The following SLC26A7 variants were observed in gnomAD, a reference collection of about 807,000 sequenced individuals.
SLC26A7 encodes solute carrier family 26 member 7, also known as anion exchange transporter.
Under a neutral mutation model 82.5 loss-of-function variants are expected in SLC26A7, and 59 were observed. That is an observed-to-expected ratio of 0.72 (90% CI 0.58 to 0.89). SLC26A7 has a LOEUF of 0.89. SLC26A7 is among the 40% of genes least tolerant of loss of function. The pLI, the probability that SLC26A7 is intolerant of heterozygous loss-of-function variation, is 0.00. For missense variants in SLC26A7, 820 were observed against 793.0 expected, an observed-to-expected ratio of 1.03 and a Z score of -0.41; for synonymous variants, 271 against 274.3, an observed-to-expected ratio of 0.99 and a Z score of 0.12.
intron 14 of SLC26A7, among the ~76,000 whole-genome samples, chr8:91,369,356 AG>A (rs1814288601): frequency 8.9e-6 from 1 of 112,026 alleles, no homozygotes; most frequent in Non-Finnish European, 1.8e-5. Flanking sequence ...GATTAACTGT[AG>A]GATACAGAGC....
chr8:91,386,030 T>A (rs1814789754), intron 15 of SLC26A7, among the ~76,000 whole-genome samples: 1 of 152,294 alleles, frequency 6.6e-6, no homozygotes, highest in Non-Finnish European at 1.5e-5. Flanking sequence ...CCTGAAGCAC[T>A]GAATTGATGG....
At position 91,277,862 on chromosome 8, in the gene SLC26A7, C is replaced by T. The variant is rs189894491; in HGVS notation, c.194-11274C>T. ...AAACAATGCTATCTTAGGCTTATTCCCCCCCAAATTAGTGACTGAGTCAGG... is the reference window on the plus strand; with the variant it reads ...AAACAATGCTATCTTAGGCTTATTCTCCCCCAAATTAGTGACTGAGTCAGG... On this transcript the variant is annotated intron_variant, in intron 2 of 18. Transcript: ENST00000276609. Among the ~76,000 whole-genome samples the T allele has an allele frequency of 3.3e-5, 5 of 151,974 alleles. No individual in the cohort carries two copies. The East Asian group carries it at 9.6e-4, about 29-fold the overall frequency.
chr8:91,334,569 C>A, intron 6 of SLC26A7, 122 bp downstream of exon 6: 1 of 824,562 alleles, frequency 1.2e-6, no homozygotes, highest in Non-Finnish European at 1.8e-6. Flanking sequence ...CTCATTAAAG[C>A]AGGGCTAATT....
intron 4 of SLC26A7, among the ~76,000 whole-genome samples, chr8:91,303,909 A>G (rs1812233430): frequency 6.6e-6 from 1 of 152,214 alleles, no homozygotes. Flanking sequence ...ATAATGTTTC[A>G]CTGTTTTACA....
At chr8:91,238,111 T>C (rs953363996) in intron 2 of SLC26A7, among the ~76,000 whole-genome samples, 4 of 152,214 alleles carry the variant, frequency 2.6e-5, no homozygotes, top group African/African-American at 9.6e-5. Context: ...TATTCTTGAA[T>C]CTTTCCTTTT....
chr8:91,219,107 A>G lies in SLC26A7; in HGVS notation c.-34+102A>G, dbSNP rs75568379. 1,064 of 470,406 alleles carry G rather than the reference A, an allele frequency of 2.3e-3. 8 individuals carry two copies. Among genetic ancestry groups the G allele is most frequent in the African/African-American group, 0.018 (884 of 49,626 alleles). 29.1% of individuals were successfully genotyped at this position (470,406 alleles called of 1,614,324 possible). A position where few individuals can be genotyped will look rare whatever the true frequency, so the allele number is the denominator to read the frequency against. On this transcript the variant is annotated intron_variant, in intron 2 of 5. Transcript: ENST00000522862. ...CCATGCCTGTTCTCTTTGTCAACAC[A>G]TTAAATAAAGGAAGAAAAATAATTC...
intron 2 of SLC26A7, among the ~76,000 whole-genome samples, chr8:91,288,438 G>A (rs1333932907): frequency 1.3e-5 from 2 of 152,124 alleles, no homozygotes; most frequent in African/African-American, 2.4e-5. Context: ...CCATGTGCAT[G>A]TATCATACCA....
At chr8:91,273,880 T>C (rs1399930819) in intron 2 of SLC26A7, among the ~76,000 whole-genome samples, 2 of 152,244 alleles carry the variant, frequency 1.3e-5, no homozygotes, top group Non-Finnish European at 2.9e-5. Flanking sequence ...GATGAAACTT[T>C]GTGTTAGTTG....
At chr8:91,278,812 CTA>C (rs985663625) in intron 2 of SLC26A7, among the ~76,000 whole-genome samples, 1 of 151,914 alleles carries the variant, frequency 6.6e-6, no homozygotes, top group African/African-American at 2.4e-5. Flanking sequence ...TTGTTATTAA[CTA>C]TAGTCATCAT....
intron 2 of SLC26A7, among the ~76,000 whole-genome samples, chr8:91,269,456 C>CTCCTGA (rs1315549280): frequency 6.6e-6 from 1 of 152,088 alleles, no homozygotes; most frequent in Admixed American, 6.6e-5. Context: ...ATTCTACTGT[C>CTCCTGA]TCCTGCCTTG....
chr8:91,237,241 G>T (rs917322140), intron 2 of SLC26A7, among the ~76,000 whole-genome samples: 1 of 152,188 alleles, frequency 6.6e-6, no homozygotes, highest in Non-Finnish European at 1.5e-5. Context: ...ATGCAAAACA[G>T]TGAATTTCAG....
intron 7 of SLC26A7, among the ~76,000 whole-genome samples, chr8:91,338,670 G>C (rs1586427908): frequency 6.6e-6 from 1 of 152,082 alleles, no homozygotes; most frequent in African/African-American, 2.4e-5. Flanking sequence ...ATAATAATGA[G>C]AGAGTGGAAG....
intron 1 of SLC26A7, among the ~76,000 whole-genome samples, chr8:91,210,506 G>A (rs1020039085): frequency 6.6e-6 from 1 of 150,806 alleles, no homozygotes; most frequent in Non-Finnish European, 1.5e-5. Flanking sequence ...TGACCATTCA[G>A]GTCAGATAGA....
intron 3 of SLC26A7, among the ~76,000 whole-genome samples, chr8:91,294,798 TC>T (rs1325048904): frequency 6.6e-6 from 1 of 152,152 alleles, no homozygotes; most frequent in Non-Finnish European, 1.5e-5. Context: ...CCATGGCAAT[TC>T]TTGGAAAATA....
intron 2 of SLC26A7, among the ~76,000 whole-genome samples, chr8:91,227,811 C>T (rs774212713): frequency 6.6e-6 from 1 of 152,144 alleles, no homozygotes; most frequent in African/African-American, 2.4e-5. Flanking sequence ...AAGCTTCTTA[C>T]ATCTCCAGAA....
At chr8:91,333,220 ATGT>A (rs1184280307) in intron 5 of SLC26A7, among the ~76,000 whole-genome samples, 4 of 152,232 alleles carry the variant, frequency 2.6e-5, no homozygotes, top group African/African-American at 9.6e-5. Context: ...AAGGGCTTTA[ATGT>A]TGTTCTTTTG....
chr8:91,387,471 C>T (rs969722112), intron 15 of SLC26A7, among the ~76,000 whole-genome samples: 1 of 152,140 alleles, frequency 6.6e-6, no homozygotes, highest in African/African-American at 2.4e-5. Context: ...AACAGCAGAA[C>T]AGAAGGCACT....
intron 2 of SLC26A7, among the ~76,000 whole-genome samples, chr8:91,255,634 G>T (rs1199698656): frequency 6.6e-6 from 1 of 152,008 alleles, no homozygotes; most frequent in Non-Finnish European, 1.5e-5. Context: ...ACACATTCCT[G>T]TCTTTTCCTT....
chr8:91,285,570 A>T (rs1811688985), intron 2 of SLC26A7, among the ~76,000 whole-genome samples: 1 of 152,232 alleles, frequency 6.6e-6, no homozygotes, highest in Non-Finnish European at 1.5e-5. Flanking sequence ...TTTTAGGGGA[A>T]CACAATTCAA....
Sources: allele counts gnomAD v4.1 joint callset (sites outside exome capture counted in the v4.1 genomes callset), GRCh38; gene constraint gnomAD v4.1.1; transcripts MANE v1.5; gene names NCBI Gene and HGNC (gene_info 2026-07-23, HGNC 2026-07-21).